Variants in MSI2 observed in about 807,000 individuals in gnomAD.
The protein encoded by MSI2 is RNA-binding protein Musashi homolog 2.
MSI2 carries 17 observed loss-of-function variants against 45.6 expected under a neutral mutation model. That is an observed-to-expected ratio of 0.37 (90% CI 0.26 to 0.56). The LOEUF (loss-of-function observed/expected upper bound fraction) is 0.56. Among genes scored for constraint, MSI2 ranks in the 20% least tolerant of loss-of-function variants. The probability of loss-of-function intolerance (pLI) is 0.77; values close to 1 mark genes in which losing one functional copy is unlikely to be tolerated. For missense variants in MSI2, 293 were observed against 444.2 expected, an observed-to-expected ratio of 0.66 and a Z score of 3.06; for synonymous variants, 156 against 158.2, an observed-to-expected ratio of 0.99 and a Z score of 0.11.
intron 10 of MSI2, among the ~76,000 whole-genome samples, chr17:57,640,818 G>A (rs972489187): frequency 2.0e-5 from 3 of 152,166 alleles, no homozygotes; most frequent in Non-Finnish European, 4.4e-5. Context: ...ATGCAGGGAC[G>A]CTCTGTGGCC....
intron 5 of MSI2, among the ~76,000 whole-genome samples, chr17:57,356,372 C>T (rs955725563): frequency 1.3e-5 from 2 of 152,104 alleles, no homozygotes; most frequent in Admixed American, 6.6e-5. Flanking sequence ...TGGGTGGGGA[C>T]GTCAGCAGGG....
intron 5 of MSI2, among the ~76,000 whole-genome samples, chr17:57,321,943 C>G (rs1913379895): frequency 6.6e-6 from 1 of 151,976 alleles, no homozygotes. Flanking sequence ...ATTACAGGCT[C>G]CCACCACCAT....
At chr17:57,541,065 G>A (rs373755083) in intron 7 of MSI2, among the ~76,000 whole-genome samples, 2 of 152,064 alleles carry the variant, frequency 1.3e-5, no homozygotes, top group East Asian at 1.9e-4. Flanking sequence ...CACAGCCCCC[G>A]AAGCCTGACT....
chr17:57,466,251 G>GC (rs1272126872), intron 6 of MSI2, among the ~76,000 whole-genome samples: 2 of 152,194 alleles, frequency 1.3e-5, no homozygotes, highest in Non-Finnish European at 2.9e-5. Context: ...CCTTTAAAAG[G>GC]CCAGGGCCTG....
intron 5 of MSI2, among the ~76,000 whole-genome samples, chr17:57,309,150 T>C (rs1440448373): frequency 6.6e-6 from 1 of 152,238 alleles, no homozygotes; most frequent in Admixed American, 6.5e-5. Context: ...TAATACTCTT[T>C]AATAAGTGAA....
chr17:57,493,953 A>G (rs188661945), intron 6 of MSI2, among the ~76,000 whole-genome samples: 208 of 152,262 alleles, frequency 1.4e-3, no homozygotes, highest in African/African-American at 4.4e-3. Flanking sequence ...GGTTTGCATG[A>G]GCCTGGGAGC....
chr17:57,435,604 C>T (rs1319411528), intron 6 of MSI2, among the ~76,000 whole-genome samples: 1 of 152,188 alleles, frequency 6.6e-6, no homozygotes, highest in Non-Finnish European at 1.5e-5. Flanking sequence ...CTGTCTTCCT[C>T]CCCTGAGCTA....
At chr17:57,514,399 G>A (rs529972249) in intron 6 of MSI2, among the ~76,000 whole-genome samples, 2 of 152,164 alleles carry the variant, frequency 1.3e-5, no homozygotes, top group Non-Finnish European at 2.9e-5. Flanking sequence ...GGTGTGCTGT[G>A]GGCCTGTCAT....
At chr17:57,403,290 C>T (rs1004571072) in intron 6 of MSI2, among the ~76,000 whole-genome samples, 1 of 152,160 alleles carries the variant, frequency 6.6e-6, no homozygotes, top group Non-Finnish European at 1.5e-5. Flanking sequence ...CTCTCTCTTT[C>T]TTCCTTTCTG....
intron 7 of MSI2, among the ~76,000 whole-genome samples, chr17:57,588,749 T>G (rs1456397612): frequency 6.6e-6 from 1 of 152,210 alleles, no homozygotes; most frequent in Non-Finnish European, 1.5e-5. Context: ...GCCTATTTCA[T>G]AGATGTTCTT....
intron 5 of MSI2, among the ~76,000 whole-genome samples, chr17:57,306,240 T>C (rs535496010): frequency 7.2e-5 from 11 of 152,106 alleles, no homozygotes; most frequent in Admixed American, 3.3e-4. Context: ...CCTTGTGCCT[T>C]ACCACCTGCA....
intron 11 of MSI2, among the ~76,000 whole-genome samples, chr17:57,664,761 T>C (rs1480939562): frequency 6.6e-6 from 1 of 152,202 alleles, no homozygotes; most frequent in African/African-American, 2.4e-5. Flanking sequence ...GTGTGGATGG[T>C]ATTCATGAAT....
At chr17:57,378,265 T>G (rs1382343964) in intron 5 of MSI2, among the ~76,000 whole-genome samples, 2 of 151,724 alleles carry the variant, frequency 1.3e-5, no homozygotes, top group African/African-American at 2.4e-5. Flanking sequence ...TTGTTTTTTG[T>G]TTTTATTATT....
chr17:57,606,046 CTT>C (rs908952621), intron 8 of MSI2, among the ~76,000 whole-genome samples: 5 of 152,266 alleles, frequency 3.3e-5, no homozygotes, highest in African/African-American at 9.6e-5. Context: ...GGGAAGCTCT[CTT>C]TGCACATCCT....
intron 5 of MSI2, among the ~76,000 whole-genome samples, chr17:57,309,347 G>A (rs1000489303): frequency 6.6e-6 from 1 of 152,116 alleles, no homozygotes; most frequent in Non-Finnish European, 1.5e-5. Context: ...CATGCCCCTG[G>A]TGCCAGCTTT....
intron 5 of MSI2, among the ~76,000 whole-genome samples, chr17:57,387,019 G>A (rs2083698432): frequency 1.3e-5 from 2 of 152,202 alleles, no homozygotes; most frequent in South Asian, 4.1e-4. Flanking sequence ...TGGGCCATGT[G>A]TCTGATTTGA....
chr17:57,537,688 C>G (rs975686869), intron 7 of MSI2, among the ~76,000 whole-genome samples: 1 of 152,160 alleles, frequency 6.6e-6, no homozygotes. Flanking sequence ...GCGCCCATTC[C>G]GGCGCTGTCT....
In MSI2 at chr17:57,624,838, A is replaced by G. The variant is rs191862479; in HGVS notation, c.653-2391A>G. On this transcript the variant is annotated intron_variant, in intron 9 of 13. Transcript: ENST00000284073. ...CACAAGGCTTTCTACAGGTGACAAG[A>G]CTAAGCTCCAAGAGAAAAAGGAAGA... Among the ~76,000 whole-genome samples, 438 of 152,252 alleles carry G rather than the reference A, an allele frequency of 2.9e-3. 4 individuals are homozygous for G. Among genetic ancestry groups the G allele is most frequent in the African/African-American group, 0.01 (415 of 41,494 alleles).
chr17:57,685,327 A>G (rs1390752568), downstream of MSI2, among the ~76,000 whole-genome samples: 1 of 152,198 alleles, frequency 6.6e-6, no homozygotes, highest in Non-Finnish European at 1.5e-5. Flanking sequence ...GCTCTGAATC[A>G]GTGGATTCCT....
Sources: allele counts gnomAD v4.1 joint callset (sites outside exome capture counted in the v4.1 genomes callset), GRCh38; gene constraint gnomAD v4.1.1; transcripts MANE v1.5; gene names NCBI Gene and HGNC (gene_info 2026-07-23, HGNC 2026-07-21).